RAB3D: variants seen among roughly 807,000 people sequenced by gnomAD.
RAB3D encodes RAB3D, member RAS oncogene family, also known as ras-related protein Rab-3D.
A neutral mutation model predicts 19.3 loss-of-function variants in RAB3D; 17 were observed. The ratio of observed to expected loss-of-function variants is 0.88; its 90% confidence interval spans 0.60 to 1.32. The LOEUF (loss-of-function observed/expected upper bound fraction) is 1.32. RAB3D is among the 40% of genes most tolerant of loss of function. The probability of loss-of-function intolerance (pLI) is 0.00; values close to 1 mark genes in which losing one functional copy is unlikely to be tolerated. For synonymous variants in RAB3D, 103 were observed against 119.9 expected, an observed-to-expected ratio of 0.86 and a Z score of 0.92; for missense variants, 223 against 299.1, an observed-to-expected ratio of 0.75 and a Z score of 1.88.
intron 4 of RAB3D, among the ~76,000 whole-genome samples, chr19:11,327,508 C>T (rs2080819738): frequency 6.6e-6 from 1 of 152,200 alleles, no homozygotes; most frequent in African/African-American, 2.4e-5. Flanking sequence ...AAGCGATTCT[C>T]CTGCTTCAGC....
At chr19:11,328,027 T>C (rs968121668) in intron 4 of RAB3D, among the ~76,000 whole-genome samples, 7 of 151,596 alleles carry the variant, frequency 4.6e-5, no homozygotes, top group African/African-American at 1.7e-4. Flanking sequence ...CAAGACCCAG[T>C]CTCTAAAGAA....
chr19:11,335,379 A>C (rs1338856976), intron 4 of RAB3D, 68 bp downstream of exon 4: 25 of 1,592,956 alleles, frequency 1.6e-5, no homozygotes, highest in Non-Finnish European at 2.1e-5. Flanking sequence ...TTGGACCCTG[A>C]ATCAGAGGAT....
intron 1 of RAB3D, among the ~76,000 whole-genome samples, chr19:11,337,818 GCCA>G (rs1318730135): frequency 2.0e-5 from 3 of 151,962 alleles, no homozygotes; most frequent in Non-Finnish European, 4.4e-5. Flanking sequence ...CTACAGACAT[GCCA>G]CCACATCAGG....
At position 11,337,160 on chromosome 19, in the gene RAB3D, C is replaced by T. The variant is rs959951007; in HGVS notation, c.228+12G>A. Reference sequence around the variant, plus strand: ...ACCCCACCCCCAACCCACAGCCAGCCTCCCAGCCTACCCAGATCTGCAGCT... The same window carrying T: ...ACCCCACCCCCAACCCACAGCCAGCTTCCCAGCCTACCCAGATCTGCAGCT... On this transcript the variant is annotated intron_variant, in intron 2 of 4. Transcript: ENST00000222120. 1.2e-5 allele frequency: 19 copies of T among 1,611,496 alleles called. No homozygotes were observed. The highest frequency in any genetic ancestry group is 1.6e-5 in the Non-Finnish European group (19 of 1,177,964).
Position 11,337,249 on chromosome 19 carries a change from A to C in RAB3D, c.151T>G (p.Phe51Val). The C allele has an allele frequency of 6.2e-7, 1 of 1,614,152 alleles. No homozygotes were observed. The highest frequency in any genetic ancestry group is 8.5e-7 in the Non-Finnish European group (1 of 1,180,012). ...RYADDSFTPA[F>V]VSTVGIDFKV... ...AAATCGATGCCCACAGTACTGACGAAGGCGGGAGTGAAGGAGTCGTCCGCG... is the reference window on the plus strand; with the variant it reads ...AAATCGATGCCCACAGTACTGACGACGGCGGGAGTGAAGGAGTCGTCCGCG... Residue 51 changes from phenylalanine (F) to valine (V), a missense_variant, in exon 2 of 5, where the codon TTC becomes GTC. Physicochemically the swap from Phe to Val is conservative, Grantham distance 50. Transcript: ENST00000222120.
At chr19:11,327,730 A>G (rs1321071552) in intron 4 of RAB3D, among the ~76,000 whole-genome samples, 2 of 152,106 alleles carry the variant, frequency 1.3e-5, no homozygotes, top group African/African-American at 4.8e-5. Context: ...GCGTGGTGGT[A>G]TGCGCCTGTA....
chr19:11,330,357 C>G (rs541810610), intron 4 of RAB3D, among the ~76,000 whole-genome samples: 16 of 152,182 alleles, frequency 1.1e-4, no homozygotes, highest in African/African-American at 3.9e-4. Flanking sequence ...TGTATTGAGA[C>G]AGCCTGTAAT....
chr19:11,335,295 C>T (rs316504), intron 4 of RAB3D, 152 bp downstream of exon 4: 4 of 1,159,394 alleles, frequency 3.5e-6, no homozygotes, highest in African/African-American at 1.5e-5. Context: ...CGTGGATCCC[C>T]TGCAATTAGA....
At chr19:11,329,627 AAG>A (rs776063982) in intron 4 of RAB3D, among the ~76,000 whole-genome samples, 8,205 of 151,848 alleles carry the variant, frequency 0.054, 331 homozygotes, top group African/African-American at 0.12. Flanking sequence ...AATAAAACAA[AAG>A]AAAAGAAAAA....
intron 2 of RAB3D, 80 bp downstream of exon 2, chr19:11,337,092 T>C (rs1345268676): frequency 6.0e-6 from 7 of 1,174,998 alleles, no homozygotes; most frequent in South Asian, 5.4e-5. Flanking sequence ...AGACTCCGTC[T>C]CAAAAAAAAA....
chr19:11,327,416 GAGAC>G (rs2080819197), intron 4 of RAB3D, among the ~76,000 whole-genome samples: 1 of 151,960 alleles, frequency 6.6e-6, no homozygotes, highest in Non-Finnish European at 1.5e-5. Context: ...TCTTTTTGTT[GAGAC>G]AGAGTTTTGC....
Position 11,328,333 on chromosome 19 carries a change from CAAAAAAAAAAAAAA to C in RAB3D, c.473-2762_473-2749del, listed in dbSNP as rs71164187. Among the ~76,000 whole-genome samples, 7 of 57,834 alleles carry C rather than the reference CAAAAAAAAAAAAAA, an allele frequency of 1.2e-4. 1 individual carries two copies. The highest frequency in any genetic ancestry group is 3.9e-4 in the African/African-American group (6 of 15,420). The allele number at this position is 57,834 out of a possible 152,430, so 37.9% of individuals were successfully genotyped here. On this transcript the variant is annotated intron_variant, in intron 4 of 4. Coordinates refer to ENST00000222120, the MANE Select transcript of RAB3D (RefSeq NM_004283.4). ...TGGGTGACAGAACAAGATATTATCT[CAAAAAAAAAAAAAA>C]AAAAAAGAAGAAGGTTGGGGGGTGC... is the stretch of plus-strand genomic sequence containing the variant.
intron 1 of RAB3D, among the ~76,000 whole-genome samples, chr19:11,339,217 C>T (rs1966927437): frequency 6.6e-6 from 1 of 152,212 alleles, no homozygotes; most frequent in African/African-American, 2.4e-5. Context: ...AAGCCTGGCC[C>T]CGGAGGGCTC....
rs771617294 is a variant in RAB3D, at chr19:11,335,678, C to T, written c.334G>A (p.Ala112Thr). ...YDIANQESFAAVQDWATQIKT... is the reference protein window; with the variant it reads ...YDIANQESFATVQDWATQIKT... ...GCAAGCACTCACCAGTCCTGCACAG[C>T]GGCAAAGGATTCCTGATTGGCGATG... is the stretch of plus-strand genomic sequence containing the variant. Residue 112 changes from alanine (A) to threonine (T), a missense_variant, in exon 3 of 5, where the codon GCT becomes ACT. Physicochemically the swap from Ala to Thr is moderately conservative, Grantham distance 58. Coordinates refer to ENST00000222120, the MANE Select transcript of RAB3D (RefSeq NM_004283.4). 5.0e-5 allele frequency: 80 copies of T among 1,614,084 alleles called. No homozygotes were observed. In the Middle Eastern group the frequency reaches 6.6e-4, roughly 13 times the overall value.
At chr19:11,337,839 A>T (rs1368211482) in intron 1 of RAB3D, among the ~76,000 whole-genome samples, 2 of 151,650 alleles carry the variant, frequency 1.3e-5, no homozygotes, top group South Asian at 2.1e-4. Flanking sequence ...AGGCTAATTT[A>T]AAAAAAATTT....
At position 11,337,204 on chromosome 19, in the gene RAB3D, G is replaced by A. The variant is rs768984920; in HGVS notation, c.196C>T (p.Arg66Cys). The A allele has an allele frequency of 1.9e-5, 31 of 1,613,974 alleles. No individual in the cohort carries two copies. The highest frequency in any genetic ancestry group is 2.7e-5 in the African/African-American group (2 of 74,996). ...GIDFKVKTVYRHDKRIKLQIW... is the reference protein window; with the variant it reads ...GIDFKVKTVYCHDKRIKLQIW... The stretch of plus-strand genomic sequence containing the variant: ...TGCAGCTTGATCCTCTTGTCATGGC[G>A]GTAGACGGTCTTGACCTTGAAATCG... The change falls in exon 2 of 5, where the codon CGC (arginine) becomes TGC (cysteine). Residue 66 changes from arginine (R) to cysteine (C), a missense_variant. Transcript: ENST00000222120.
intron 4 of RAB3D, among the ~76,000 whole-genome samples, chr19:11,335,162 A>C (rs977945974): frequency 6.6e-6 from 1 of 152,214 alleles, no homozygotes; most frequent in Non-Finnish European, 1.5e-5. Context: ...ACTCCTACTA[A>C]TACTACTACT....
intron 4 of RAB3D, among the ~76,000 whole-genome samples, chr19:11,330,880 G>T (rs954847258): frequency 2.6e-5 from 4 of 151,774 alleles, no homozygotes; most frequent in Admixed American, 2.0e-4. Context: ...GGCAGGTGTG[G>T]TGGAGTACAC....
intron 4 of RAB3D, among the ~76,000 whole-genome samples, chr19:11,328,708 T>C (rs1220226974): frequency 6.6e-6 from 1 of 151,664 alleles, no homozygotes; most frequent in East Asian, 2.0e-4. Context: ...TCCCACCTAC[T>C]TGGGAGGCTG....
Sources: gnomAD v4.1 joint callset for allele counts (sites outside exome capture counted in the v4.1 genomes callset) on GRCh38, gnomAD v4.1.1 for gene constraint, MANE v1.5 for transcripts, NCBI Gene and HGNC (gene_info 2026-07-23, HGNC 2026-07-21) for gene names.